The following NALF1 variants were observed in gnomAD, a reference collection of about 807,000 sequenced individuals.
NALF1 encodes family with sequence similarity 155 member A.
NALF1 carries 3 observed loss-of-function variants against 48.4 expected under a neutral mutation model. That is an observed-to-expected ratio of 0.06 (90% CI 0.03 to 0.16). NALF1 has a LOEUF of 0.16. Among genes scored for constraint, NALF1 ranks in the 10% least tolerant of loss-of-function variants. The pLI is 1.00. For synonymous variants in NALF1, 262 were observed against 245.7 expected (o/e 1.07, Z -0.62); for missense variants, 526 against 571.5 (o/e 0.92, Z 0.81).
intron 1 of NALF1, among the ~76,000 whole-genome samples, chr13:107,406,442 G>A (rs1299908518): frequency 4.0e-5 from 6 of 151,634 alleles, no homozygotes; most frequent in African/African-American, 1.5e-4. Flanking sequence ...TTAAATACCT[G>A]GGAATTAACC....
intron 1 of NALF1, among the ~76,000 whole-genome samples, chr13:107,227,976 A>G (rs977035122): frequency 4.6e-5 from 7 of 152,232 alleles, no homozygotes; most frequent in African/African-American, 1.7e-4. Flanking sequence ...TAAGGAACCA[A>G]TGAAATCGCT....
intron 1 of NALF1, among the ~76,000 whole-genome samples, chr13:107,642,130 A>G (rs1017203138): frequency 6.6e-6 from 1 of 152,148 alleles, no homozygotes; most frequent in Non-Finnish European, 1.5e-5. Context: ...ATCTTAATAC[A>G]ATCCCCAGGC....
rs141054134 is a variant in NALF1 at position 107,612,974 on chromosome 13, G to T, written c.915+252708C>A. ...AAGAACAGAGAGGGCAAATTTATGG[G>T]TTTTTTTGGGTTTTTTTCCCACAAT... On this transcript the variant is annotated intron_variant, in intron 1 of 2. Coordinates refer to ENST00000375915, the MANE Select transcript of NALF1 (RefSeq NM_001080396.3). 2.7e-3 allele frequency among the ~76,000 whole-genome samples: 401 copies of T among 149,200 alleles called. 1 individual carries two copies. The highest frequency in any genetic ancestry group is 4.7e-3 in the Non-Finnish European group (314 of 67,422).
chr13:107,632,640 AAACAC>A (rs1879864064), intron 1 of NALF1, among the ~76,000 whole-genome samples: 1 of 152,124 alleles, frequency 6.6e-6, no homozygotes, highest in African/African-American at 2.4e-5. Context: ...CTCCCTCAAC[AAACAC>A]AACAACAAAA....
intron 1 of NALF1, among the ~76,000 whole-genome samples, chr13:107,356,190 C>T (rs1323243807): frequency 6.6e-6 from 1 of 152,076 alleles, no homozygotes; most frequent in Non-Finnish European, 1.5e-5. Flanking sequence ...ATAGATGTGA[C>T]CACTGCTCTG....
chr13:107,210,977 G>T (rs1226802188), intron 1 of NALF1, among the ~76,000 whole-genome samples: 1 of 152,188 alleles, frequency 6.6e-6, no homozygotes, highest in African/African-American at 2.4e-5. Context: ...ATCCCTAATA[G>T]AATGTAAAAG....
intron 2 of NALF1, among the ~76,000 whole-genome samples, chr13:107,185,682 A>G (rs751524287): frequency 3.3e-5 from 5 of 152,148 alleles, no homozygotes; most frequent in Non-Finnish European, 5.9e-5. Context: ...ATGAAACATA[A>G]ACTTTCCACC....
intron 1 of NALF1, among the ~76,000 whole-genome samples, chr13:107,398,901 T>C (rs529935558): frequency 1.6e-4 from 25 of 152,314 alleles, no homozygotes; most frequent in African/African-American, 5.3e-4. Flanking sequence ...CAGGAGCATT[T>C]CTACATACGA....
intron 1 of NALF1, among the ~76,000 whole-genome samples, chr13:107,501,289 C>T (rs72652724): frequency 6.6e-6 from 1 of 152,208 alleles, no homozygotes; most frequent in Non-Finnish European, 1.5e-5. Flanking sequence ...CTAAAAGACC[C>T]CACCTCCAAC....
At chr13:107,840,380 T>C (rs550656901) in intron 1 of NALF1, among the ~76,000 whole-genome samples, 3 of 152,368 alleles carry the variant, frequency 2.0e-5, no homozygotes, top group Non-Finnish European at 4.4e-5. Flanking sequence ...TGGTCCATAT[T>C]GGTTTAGGAG....
chr13:107,756,435 C>CTATATATATACATATA (rs1555323650), intron 1 of NALF1, among the ~76,000 whole-genome samples: 10 of 141,056 alleles, frequency 7.1e-5, no homozygotes, highest in African/African-American at 2.7e-4. Flanking sequence ...AGTTTAATGG[C>CTATATATATACATATA]TATATATATA....
intron 1 of NALF1, among the ~76,000 whole-genome samples, chr13:107,601,754 CAAT>C (rs1419422781): frequency 6.6e-6 from 1 of 150,536 alleles, no homozygotes; most frequent in Non-Finnish European, 1.5e-5. Flanking sequence ...CACACACACA[CAAT>C]AAAAAAAAAT....
intron 1 of NALF1, among the ~76,000 whole-genome samples, chr13:107,825,691 A>G (rs577360611): frequency 3.9e-5 from 6 of 152,372 alleles, no homozygotes; most frequent in African/African-American, 1.4e-4. Context: ...ATCTGTGAAA[A>G]GAGGAGAAAC....
chr13:107,269,003 G>A (rs960483621), intron 1 of NALF1, among the ~76,000 whole-genome samples: 3 of 151,612 alleles, frequency 2.0e-5, no homozygotes, highest in Non-Finnish European at 2.9e-5. Context: ...AATTGGATTC[G>A]AAATCAGGAA....
At chr13:107,700,323 A>C (rs1286350033) in intron 1 of NALF1, among the ~76,000 whole-genome samples, 2 of 152,094 alleles carry the variant, frequency 1.3e-5, no homozygotes, top group African/African-American at 4.8e-5. Context: ...CCAATGGAAC[A>C]GAACAGAGAG....
chr13:107,423,856 T>G (rs140975698), intron 1 of NALF1, among the ~76,000 whole-genome samples: 6 of 152,336 alleles, frequency 3.9e-5, no homozygotes, highest in African/African-American at 1.4e-4. Context: ...ATGTATATCT[T>G]CCAAAAGCTT....
intron 1 of NALF1, among the ~76,000 whole-genome samples, chr13:107,391,799 T>C (rs1016929548): frequency 7.2e-5 from 11 of 152,118 alleles, no homozygotes; most frequent in African/African-American, 2.4e-4. Flanking sequence ...ATCAAACCAA[T>C]ATATTTCTTA....
rs77698600 is a variant in NALF1 at position 107,766,060 on chromosome 13, G to A, written c.915+99622C>T. Among the ~76,000 whole-genome samples, 1,250 of 152,094 alleles carry A rather than the reference G, an allele frequency of 8.2e-3. 10 individuals carry two copies. The highest frequency in any genetic ancestry group is 0.028 in the African/African-American group (1,157 of 41,468). The stretch of plus-strand genomic sequence containing the variant: ...AAGAACAGAAAATCATCTATAATAG[G>A]TCCATCGAAGGCAACCACTGTTTAC... On this transcript the variant is annotated intron_variant, in intron 1 of 2. Transcript: ENST00000375915.
chr13:107,799,232 C>G (rs1878526501), intron 1 of NALF1, among the ~76,000 whole-genome samples: 1 of 152,130 alleles, frequency 6.6e-6, no homozygotes, highest in Admixed American at 6.5e-5. Context: ...GATATGAAAG[C>G]ATGCATTACA....
Sources: allele counts gnomAD v4.1 joint callset (sites outside exome capture counted in the v4.1 genomes callset), GRCh38; gene constraint gnomAD v4.1.1; transcripts MANE v1.5; gene names NCBI Gene and HGNC (gene_info 2026-07-23, HGNC 2026-07-21).